NALF1: variants seen among roughly 807,000 people sequenced by gnomAD.
NALF1 encodes the protein NALCN channel auxiliary factor 1.
In NALF1, 3 loss-of-function variants were observed where a neutral mutation model predicts 48.4. That is an observed-to-expected ratio of 0.06 (90% CI 0.03 to 0.16). The LOEUF (loss-of-function observed/expected upper bound fraction) is 0.16, where lower values mean the gene tolerates loss of function less well. NALF1 is among the 10% of genes least tolerant of loss of function. The pLI, the probability that NALF1 is intolerant of heterozygous loss-of-function variation, is 1.00. For missense variants in NALF1, 526 were observed against 571.5 expected (o/e 0.92, Z 0.81); for synonymous variants, 262 against 245.7 (o/e 1.07, Z -0.62).
intron 1 of NALF1, among the ~76,000 whole-genome samples, chr13:107,250,086 C>T (rs1034981499): frequency 1.4e-5 from 2 of 143,286 alleles, no homozygotes; most frequent in South Asian, 2.2e-4. Flanking sequence ...GGTTGAGCCA[C>T]TGGTGTTTTT....
intron 1 of NALF1, among the ~76,000 whole-genome samples, chr13:107,319,084 G>C (rs1299005961): frequency 6.6e-6 from 1 of 152,066 alleles, no homozygotes; most frequent in Non-Finnish European, 1.5e-5. Flanking sequence ...AGTGCTCAAA[G>C]ATGGAGGCAG....
At chr13:107,182,226 CTGTGTGTGTG>C (rs148923366) in intron 2 of NALF1, among the ~76,000 whole-genome samples, 2 of 145,246 alleles carry the variant, frequency 1.4e-5, no homozygotes, top group South Asian at 2.2e-4. Flanking sequence ...TTTATTTATG[CTGTGTGTGTG>C]TGTGTGTGTG....
At chr13:107,444,128 T>C (rs546823437) in intron 1 of NALF1, among the ~76,000 whole-genome samples, 52 of 152,182 alleles carry the variant, frequency 3.4e-4, no homozygotes, top group Non-Finnish European at 5.1e-4. Context: ...AATTATATAA[T>C]GAAAACTTTC....
chr13:107,759,763 CT>C (rs1264444645), intron 1 of NALF1, among the ~76,000 whole-genome samples: 1 of 145,620 alleles, frequency 6.9e-6, no homozygotes, highest in East Asian at 2.8e-4. Flanking sequence ...ATGGCATTTA[CT>C]TTGCTTTTTT....
chr13:107,337,449 A>C (rs1882582177), intron 1 of NALF1, among the ~76,000 whole-genome samples: 1 of 151,956 alleles, frequency 6.6e-6, no homozygotes, highest in Non-Finnish European at 1.5e-5. Flanking sequence ...CAGGGAGTTG[A>C]GGTGTATTTT....
intron 1 of NALF1, among the ~76,000 whole-genome samples, chr13:107,398,930 G>T (rs986778993): frequency 6.6e-6 from 1 of 152,188 alleles, no homozygotes; most frequent in Non-Finnish European, 1.5e-5. Flanking sequence ...GAATTCAAAA[G>T]ATTATAAGGA....
chr13:107,754,550 G>GT (rs546289066), intron 1 of NALF1, among the ~76,000 whole-genome samples: 70 of 149,336 alleles, frequency 4.7e-4, no homozygotes, highest in South Asian at 8.5e-4. Context: ...TCACTAGATG[G>GT]TTTTTTTTTT....
chr13:107,739,506 T>C (rs1046170866), intron 1 of NALF1, among the ~76,000 whole-genome samples: 2 of 151,184 alleles, frequency 1.3e-5, no homozygotes, highest in South Asian at 2.1e-4. Context: ...ATTGAACAAA[T>C]TGTCTCACCT....
chr13:107,309,986 C>T (rs1250831208), intron 1 of NALF1, among the ~76,000 whole-genome samples: 4 of 152,138 alleles, frequency 2.6e-5, no homozygotes, highest in Non-Finnish European at 5.9e-5. Context: ...GATGTATTAG[C>T]TCAAACATCC....
At chr13:107,723,725 T>C (rs1245178438) in intron 1 of NALF1, among the ~76,000 whole-genome samples, 1 of 152,120 alleles carries the variant, frequency 6.6e-6, no homozygotes, top group African/African-American at 2.4e-5. Context: ...CGAAGTAGAC[T>C]TGTGGAGAAG....
chr13:107,732,279 T>A (rs192179501), intron 1 of NALF1, among the ~76,000 whole-genome samples: 2 of 152,116 alleles, frequency 1.3e-5, no homozygotes, highest in African/African-American at 2.4e-5. Flanking sequence ...TGAATACTTA[T>A]ATATAAAACA....
rs9555328 is a variant in NALF1 at position 107,184,820 on chromosome 13, A to G, written c.1088-14034T>C. On this transcript the variant is annotated intron_variant, in intron 2 of 2. Coordinates refer to ENST00000375915, the MANE Select transcript of NALF1 (RefSeq NM_001080396.3). ...TGTCAAGTATATTTTATTAGCATCC[A>G]TATTTAATTTTCTGTGTTTTATAGG... Among the ~76,000 whole-genome samples, 85 of 152,296 alleles carry G rather than the reference A, an allele frequency of 5.6e-4. 3 individuals carry two copies. The East Asian group carries it at 0.015, about 27-fold the overall frequency.
chr13:107,504,218 TC>T (rs1875619787), intron 1 of NALF1, among the ~76,000 whole-genome samples: 2 of 137,002 alleles, frequency 1.5e-5, no homozygotes, highest in African/African-American at 2.8e-5. Flanking sequence ...ACCATTGCAC[TC>T]CAGCCTGGAC....
chr13:107,488,812 C>T (rs1020611348), intron 1 of NALF1, among the ~76,000 whole-genome samples: 32 of 152,036 alleles, frequency 2.1e-4, no homozygotes, highest in African/African-American at 7.7e-4. Flanking sequence ...GGCATTCAAA[C>T]AGGAAGAGAG....
intron 1 of NALF1, among the ~76,000 whole-genome samples, chr13:107,790,214 T>G (rs1878190351): frequency 6.6e-6 from 1 of 152,210 alleles, no homozygotes; most frequent in Non-Finnish European, 1.5e-5. Context: ...GTCTTTCACG[T>G]GTATTTACAT....
chr13:107,311,402 A>T (rs1882042775), intron 1 of NALF1, among the ~76,000 whole-genome samples: 1 of 152,204 alleles, frequency 6.6e-6, no homozygotes, highest in African/African-American at 2.4e-5. Context: ...ATCTTAAAAC[A>T]TACAGTATCT....
At chr13:107,839,728 A>G (rs1194551925) in intron 1 of NALF1, among the ~76,000 whole-genome samples, 1 of 152,092 alleles carries the variant, frequency 6.6e-6, no homozygotes, top group Non-Finnish European at 1.5e-5. Context: ...ATAAAGAGAT[A>G]TTTTTGACCC....
chr13:107,838,694 C>G (rs1242781774), intron 1 of NALF1, among the ~76,000 whole-genome samples: 2 of 152,078 alleles, frequency 1.3e-5, no homozygotes, highest in African/African-American at 4.8e-5. Flanking sequence ...TCATGCCAAA[C>G]ACACCTCCAC....
intron 1 of NALF1, among the ~76,000 whole-genome samples, chr13:107,255,372 CT>C (rs1312032554): frequency 1.3e-5 from 2 of 152,150 alleles, no homozygotes; most frequent in Non-Finnish European, 2.9e-5. Flanking sequence ...GAAATAACCC[CT>C]TTTAAATTAC....
Sources: allele counts gnomAD v4.1 joint callset (sites outside exome capture counted in the v4.1 genomes callset), GRCh38; gene constraint gnomAD v4.1.1; transcripts MANE v1.5; gene names NCBI Gene and HGNC (gene_info 2026-07-23, HGNC 2026-07-21).